Variants in NLRP4 observed in about 807,000 individuals in gnomAD.
NLRP4 encodes NACHT, LRR and PYD domains-containing protein 4.
In NLRP4, 44 loss-of-function variants were observed where a neutral mutation model predicts 84.7. The ratio of observed to expected loss-of-function variants is 0.52; its 90% CI spans 0.41 to 0.67. The LOEUF is 0.67. Among genes scored for constraint, NLRP4 ranks in the 30% least tolerant of loss-of-function variants. The pLI is 0.00. For synonymous variants in NLRP4, 544 were observed against 476.4 expected (o/e 1.14, Z -1.85); for missense variants, 1,260 against 1,219.4 (o/e 1.03, Z -0.50).
At chr19:55,863,346 G>A (rs1475323446) in intron 5 of NLRP4, among the ~76,000 whole-genome samples, 1 of 152,186 alleles carries the variant, frequency 6.6e-6, no homozygotes, top group Admixed American at 6.5e-5. Context: ...AAATAAAAGA[G>A]GTGTAATTGG....
chr19:55,874,836 G>A (rs1465535530), intron 7 of NLRP4, among the ~76,000 whole-genome samples: 1 of 152,044 alleles, frequency 6.6e-6, no homozygotes, highest in African/African-American at 2.4e-5. Context: ...AGAATTAAAG[G>A]CTAGTGTCAT....
intron 7 of NLRP4, among the ~76,000 whole-genome samples, chr19:55,872,606 TAAAG>T (rs1352349397): frequency 6.6e-6 from 1 of 151,982 alleles, no homozygotes; most frequent in Non-Finnish European, 1.5e-5. Flanking sequence ...TAGACATAAT[TAAAG>T]AAAAAATTAG....
intron 3 of NLRP4, among the ~76,000 whole-genome samples, chr19:55,860,046 C>T (rs1408328432): frequency 2.2e-5 from 3 of 136,500 alleles, no homozygotes; most frequent in East Asian, 2.4e-4. Flanking sequence ...AGTGCAGTGG[C>T]GAGATCTTGG....
At chr19:55,853,981 C>T (rs1336419795) in intron 2 of NLRP4, among the ~76,000 whole-genome samples, 3 of 146,578 alleles carry the variant, frequency 2.0e-5, no homozygotes, top group African/African-American at 7.6e-5. Flanking sequence ...TTCTTTCTTT[C>T]TTCTTTGATA....
chr19:55,872,597 A>T (rs543592396), intron 7 of NLRP4, among the ~76,000 whole-genome samples: 1 of 152,366 alleles, frequency 6.6e-6, no homozygotes, highest in African/African-American at 2.4e-5. Flanking sequence ...ATAGTAGATT[A>T]GACATAATTA....
chr19:55,873,783 T>G (rs1367628956), intron 7 of NLRP4, among the ~76,000 whole-genome samples: 5 of 152,190 alleles, frequency 3.3e-5, no homozygotes, highest in Admixed American at 6.5e-5. Flanking sequence ...TCCTACTCAG[T>G]TGAACTTTAA....
chr19:55,876,533 G>GTT (rs145573237), intron 7 of NLRP4, among the ~76,000 whole-genome samples: 13 of 151,580 alleles, frequency 8.6e-5, no homozygotes, highest in South Asian at 4.2e-4. Context: ...TATTTTTTGT[G>GTT]TTTTTTTTAG....
At position 55,853,721 on chromosome 19, in the gene NLRP4, T is replaced by TTC. The variant is rs1415245297; in HGVS notation, c.280+1363_280+1364dup. Among the ~76,000 whole-genome samples, 4 of 147,688 alleles carry TTC rather than the reference T, an allele frequency of 2.7e-5. No homozygotes were observed. The East Asian group carries it at 6.1e-4, about 23-fold the overall frequency. ...CACCATACTGGCCTAGACTCACTCT[T>TTC]TCTTTCTCTTTCTCTTTTCCTTTTT... On this transcript the variant is annotated intron_variant, in intron 2 of 9. Coordinates refer to ENST00000301295, the MANE Select transcript of NLRP4 (RefSeq NM_134444.5).
intron 1 of NLRP4, among the ~76,000 whole-genome samples, chr19:55,844,346 T>C (rs1308803232): frequency 2.6e-5 from 4 of 152,084 alleles, no homozygotes; most frequent in Non-Finnish European, 4.4e-5. Context: ...TGCAGTGGCA[T>C]GATCTCAGCT....
intron 6 of NLRP4, among the ~76,000 whole-genome samples, chr19:55,869,246 G>A (rs1405998921): frequency 1.3e-5 from 2 of 152,064 alleles, no homozygotes; most frequent in Non-Finnish European, 2.9e-5. Context: ...TGTAGTCCCA[G>A]CTACTCTCGA....
At chr19:55,840,339 T>C (rs1400492085) in intron 1 of NLRP4, among the ~76,000 whole-genome samples, 2 of 77,176 alleles carry the variant, frequency 2.6e-5, no homozygotes, top group Non-Finnish European at 4.5e-5. Flanking sequence ...CATATGTGTA[T>C]GTGTATGTGT....
Position 55,858,273 on chromosome 19 carries a change from T to C in NLRP4, c.880T>C (p.Ser294Pro), listed in dbSNP as rs753814199. The C allele has an allele frequency of 1.9e-6, 3 of 1,614,176 alleles. No homozygotes were observed. In the South Asian group the frequency reaches 3.3e-5, roughly 18 times the overall value. ...GGAGCTCCGGGATCAGGTGACGATCTCAGAAATCTACCAGCCCCGGGGATT... is the reference window on the plus strand; with the variant it reads ...GGAGCTCCGGGATCAGGTGACGATCCCAGAAATCTACCAGCCCCGGGGATT... ...PKELRDQVTI[S>P]EIYQPRGFNE... is the part of the protein sequence containing the mutation. Residue 294 changes from serine to proline, a missense_variant, in exon 3 of 10, where the codon TCA becomes CCA. By Grantham distance (74) the Ser-to-Pro change is moderately conservative. Around this residue, in one of 3 missense-constraint regions of NLRP4, gnomAD observed 712 missense variants for 669.2 expected, o/e 1.06. Coordinates refer to ENST00000301295, the MANE Select transcript of NLRP4 (RefSeq NM_134444.5). The surrounding 1 kb of genome is among the most constrained non-coding windows in gnomAD (Gnocchi z 4.2).
chr19:55,878,493 ACCTTTTTTTGGATAAT>A (rs1985457096), intron 8 of NLRP4, among the ~76,000 whole-genome samples: 1 of 72,890 alleles, frequency 1.4e-5, no homozygotes, highest in Admixed American at 1.4e-4. Flanking sequence ...ACGGCTTCAT[ACCTTTTTTTGGATAAT>A]ATGTTATATT....
rs1033506518 is a variant in NLRP4 at position 55,863,300 on chromosome 19, G to A, written c.2186+1141G>A. Among the ~76,000 whole-genome samples, 6 of 152,152 alleles carry A rather than the reference G, an allele frequency of 3.9e-5. No individual in the cohort carries two copies. In the South Asian group the frequency reaches 1.0e-3, roughly 26 times the overall value. The stretch of plus-strand genomic sequence containing the variant: ...GGGCAGTGTATTCACACGTTCTCGC[G>A]CTGCTATAAAGACATACCTGAGACT... On this transcript the variant is annotated intron_variant, in intron 5 of 9. Transcript: ENST00000301295.
At chr19:55,867,683 A>G (rs760908930) in intron 5 of NLRP4, 26 bp from the exon 6 acceptor site, 1 of 1,604,170 alleles carries the variant, frequency 6.2e-7, no homozygotes, top group East Asian at 2.2e-5. Flanking sequence ...AAACCAACAG[A>G]ATGTGACATT....
At position 55,849,971 on chromosome 19, in the gene NLRP4, GT is replaced by G. The variant is rs869094490; in HGVS notation, c.-65-2044del. Among the ~76,000 whole-genome samples the G allele has an allele frequency of 5.4e-3, 654 of 122,092 alleles. 48 individuals are homozygous for G. The highest frequency in any genetic ancestry group is 0.013 in the East Asian group (54 of 4,216). The allele number at this position is 122,092 out of a possible 152,430, so 80.1% of individuals were successfully genotyped here. A position where few individuals can be genotyped will look rare whatever the true frequency, so the allele number is the denominator to read the frequency against. Reference sequence around the variant, plus strand: ...TTTCCGAGACTGCGGTGTAATTTCCGTAGCTGCGGTGTAATTTCCGAGACTG... The same window carrying G: ...TTTCCGAGACTGCGGTGTAATTTCCGAGCTGCGGTGTAATTTCCGAGACTG... On this transcript the variant is annotated intron_variant, in intron 1 of 9. Transcript: ENST00000301295.
chr19:55,850,609 A>ACGTGGCTGCGGTGTAATGTC (rs1984058435), intron 1 of NLRP4, among the ~76,000 whole-genome samples: 2 of 25,780 alleles, frequency 7.8e-5, no homozygotes, highest in Non-Finnish European at 1.3e-4. Context: ...GGTGTAATTT[A>ACGTGGCTGCGGTGTAATGTC]CGAGGCTGCG....
intron 9 of NLRP4, 145 bp from the exon 10 acceptor site, chr19:55,881,325 G>A (rs933888191): frequency 1.5e-5 from 8 of 548,670 alleles, no homozygotes; most frequent in Admixed American, 9.9e-5. Context: ...GCATACCGCT[G>A]CATTTGATGT....
intron 6 of NLRP4, among the ~76,000 whole-genome samples, chr19:55,868,175 T>G (rs151220293): frequency 1.3e-5 from 2 of 152,250 alleles, no homozygotes; most frequent in African/African-American, 2.4e-5. Flanking sequence ...GTTGGGTTAA[T>G]GCACCTGCAA....
Sources: gnomAD v4.1 joint callset for allele counts (sites outside exome capture counted in the v4.1 genomes callset) on GRCh38, gnomAD v4.1.1 for gene constraint, gnomAD v4.1.1 regional missense constraint, Gnocchi (gnomAD v3.1) non-coding constraint, MANE v1.5 for transcripts, NCBI Gene and HGNC (gene_info 2026-07-23, HGNC 2026-07-21) for gene names.